Variants in TSPAN11 observed in about 807,000 individuals in gnomAD.
TSPAN11 encodes tetraspanin 11, also known as tetraspanin-11.
Under a neutral mutation model 32.9 loss-of-function variants are expected in TSPAN11, and 29 were observed. The ratio of observed to expected loss-of-function variants is 0.88; its 90% CI spans 0.66 to 1.20. The LOEUF is 1.20. Ranked by LOEUF, TSPAN11 falls within the 50% of genes most tolerant of loss-of-function variation. The pLI is 0.00. For synonymous variants in TSPAN11, 140 were observed against 141.3 expected (o/e 0.99, Z 0.07); for missense variants, 283 against 329.1 (o/e 0.86, Z 1.08).
intron 6 of TSPAN11, 121 bp downstream of exon 6, chr12:30,982,811 C>A: frequency 1.5e-6 from 2 of 1,374,634 alleles, no homozygotes; most frequent in Non-Finnish European, 2.0e-6. Flanking sequence ...TGCTCCTTGG[C>A]CACGAGCCCA....
chr12:30,944,070 C>T (rs1211505829), intron 1 of TSPAN11, among the ~76,000 whole-genome samples: 2 of 152,122 alleles, frequency 1.3e-5, no homozygotes, highest in East Asian at 3.9e-4. Context: ...CTAGCTTACC[C>T]CCATAGCAAA....
chr12:30,964,112 AGGGGCTGAGGCTGT>A (rs1938678272), intron 3 of TSPAN11, 95 bp downstream of exon 3: 2 of 982,130 alleles, frequency 2.0e-6, no homozygotes, highest in South Asian at 1.8e-5. Flanking sequence ...CTGGAGTGGG[AGGGGCTGAGGCTGT>A]GGGAGTGCCC....
the TSPAN11 span, among the ~76,000 whole-genome samples, chr12:31,003,678 A>T: frequency 1.3e-5 from 2 of 152,172 alleles, no homozygotes; most frequent in Non-Finnish European, 2.9e-5. Flanking sequence ...TTGTTTGGTG[A>T]GCATCTGTCT....
chr12:30,978,715 G>A, intron 4 of TSPAN11, 80 bp downstream of exon 4: 2 of 1,435,456 alleles, frequency 1.4e-6, no homozygotes, highest in Non-Finnish European at 2.0e-6. Context: ...GCATTGTGAT[G>A]AGGGAAGCTG....
In TSPAN11 at chr12:30,996,182, G is replaced by A. The variant is rs1434132889; in HGVS notation, c.*4267G>A. 1.3e-5 allele frequency: 2 copies of A among 152,262 alleles called. No individual in the cohort carries two copies. Among genetic ancestry groups the A allele is most frequent in the Non-Finnish European group, 2.9e-5 (2 of 68,076 alleles). 9.4% of individuals were successfully genotyped at this position (152,262 alleles called of 1,614,324 possible). On this transcript the variant is annotated 3_prime_UTR_variant, in exon 8 of 8. Coordinates refer to ENST00000546076, the MANE Select transcript of TSPAN11 (RefSeq NM_001370302.1). ...GCCTGTGATCTTGGCCAGGAGACCA[G>A]GTGCCTGGGTCCCTTCCTGGAAGGG...
chr12:30,927,116 G>A (rs1468689706), intron 1 of TSPAN11: 6 of 1,049,408 alleles, frequency 5.7e-6, no homozygotes, highest in Middle Eastern at 4.8e-4. Context: ...AGGGCCTCGT[G>A]CCGTCCAGCG....
At chr12:31,007,159 G>C in the TSPAN11 span, among the ~76,000 whole-genome samples, 3 of 150,206 alleles carry the variant, frequency 2.0e-5, no homozygotes, top group African/African-American at 7.4e-5. Flanking sequence ...CTAAAAACAC[G>C]AGCATTTCCA....
the TSPAN11 span, among the ~76,000 whole-genome samples, chr12:31,005,297 G>C: frequency 1.3e-5 from 2 of 152,202 alleles, no homozygotes; most frequent in Non-Finnish European, 2.9e-5. Context: ...AAAGCCTGGC[G>C]AGGTGCTCAA....
At chr12:30,953,424 A>G (rs1438310818) in intron 1 of TSPAN11, among the ~76,000 whole-genome samples, 1 of 152,082 alleles carries the variant, frequency 6.6e-6, no homozygotes, top group East Asian at 1.9e-4. Flanking sequence ...TCTTCCTGCC[A>G]AACCACCAGG....
At chr12:31,011,858 C>A in the TSPAN11 span, among the ~76,000 whole-genome samples, 2 of 152,222 alleles carry the variant, frequency 1.3e-5, no homozygotes. Flanking sequence ...AAAAGTTTAA[C>A]AGAGCTGGGT....
intron 1 of TSPAN11, among the ~76,000 whole-genome samples, chr12:30,940,017 CAG>C (rs1177916131): frequency 6.6e-6 from 1 of 152,174 alleles, no homozygotes; most frequent in African/African-American, 2.4e-5. Context: ...AGAGAAAACT[CAG>C]GGAGAAAAAG....
At chr12:30,959,941 G>A (rs1490755824) in intron 2 of TSPAN11, among the ~76,000 whole-genome samples, 4 of 149,816 alleles carry the variant, frequency 2.7e-5, no homozygotes, top group Non-Finnish European at 4.4e-5. Context: ...CTTCTCAGCC[G>A]GGGGTGCCTT....
intron 1 of TSPAN11, among the ~76,000 whole-genome samples, chr12:30,950,476 C>T (rs1938360765): frequency 6.6e-6 from 1 of 152,240 alleles, no homozygotes; most frequent in Non-Finnish European, 1.5e-5. Flanking sequence ...ACGGCATTGT[C>T]TCTGGTCTTG....
At chr12:30,982,291 G>A (rs186597844) in intron 5 of TSPAN11, among the ~76,000 whole-genome samples, 1 of 152,328 alleles carries the variant, frequency 6.6e-6, no homozygotes, top group East Asian at 1.9e-4. Context: ...GGACTTGGGT[G>A]GCTAAAAAGC....
intron 1 of TSPAN11, 58 bp downstream of exon 1, chr12:30,926,854 A>G: frequency 3.8e-6 from 4 of 1,059,962 alleles, no homozygotes; most frequent in South Asian, 1.5e-5. Flanking sequence ...CTGGGGGTCC[A>G]GGAGAGGCGC....
At chr12:30,965,229 G>A (rs1332362049) in intron 3 of TSPAN11, among the ~76,000 whole-genome samples, 1 of 152,164 alleles carries the variant, frequency 6.6e-6, no homozygotes, top group Admixed American at 6.5e-5. Flanking sequence ...CTGCAGTGTC[G>A]GCAAGCCTGT....
chr12:30,960,175 G>C (rs926555073), intron 2 of TSPAN11, among the ~76,000 whole-genome samples: 1 of 151,824 alleles, frequency 6.6e-6, no homozygotes, highest in African/African-American at 2.4e-5. Context: ...AGACTGAGCA[G>C]GGAGGAGGAG....
At chr12:30,965,249 G>C (rs899559167) in intron 3 of TSPAN11, among the ~76,000 whole-genome samples, 1 of 152,172 alleles carries the variant, frequency 6.6e-6, no homozygotes, top group African/African-American at 2.4e-5. Flanking sequence ...TTTGTGTCCT[G>C]TCCGGCTCTG....
At chr12:30,987,913 G>GAGAC (rs1292958555) in intron 7 of TSPAN11, among the ~76,000 whole-genome samples, 1 of 152,256 alleles carries the variant, frequency 6.6e-6, no homozygotes, top group Non-Finnish European at 1.5e-5. Flanking sequence ...TTATTTTCAG[G>GAGAC]AGACACATTC....
Sources: gnomAD v4.1 joint callset for allele counts (sites outside exome capture counted in the v4.1 genomes callset) on GRCh38, gnomAD v4.1.1 for gene constraint, MANE v1.5 for transcripts, NCBI Gene and HGNC (gene_info 2026-07-23, HGNC 2026-07-21) for gene names.